The following CLOCK variants were observed in gnomAD, a reference collection of about 807,000 sequenced individuals.
CLOCK encodes clock circadian regulator.
CLOCK carries 43 observed loss-of-function variants against 118.4 expected under a neutral mutation model. That is an observed-to-expected ratio of 0.36 (90% CI 0.28 to 0.47). The LOEUF (loss-of-function observed/expected upper bound fraction) is 0.47, where lower values mean the gene tolerates loss of function less well. Among genes scored for constraint, CLOCK ranks in the 20% least tolerant of loss-of-function variants. The pLI, the probability that CLOCK is intolerant of heterozygous loss-of-function variation, is 1.00. For missense variants in CLOCK, 846 were observed against 999.9 expected, an observed-to-expected ratio of 0.85 and a Z score of 2.08; for synonymous variants, 326 against 339.2, an observed-to-expected ratio of 0.96 and a Z score of 0.43.
chr4:55,492,106 C>G (rs1051699001), intron 2 of CLOCK, among the ~76,000 whole-genome samples: 4 of 152,036 alleles, frequency 2.6e-5, no homozygotes, highest in Non-Finnish European at 5.9e-5. Flanking sequence ...AACTATAGAC[C>G]AATATTCCTT....
chr4:55,465,835 A>G (rs1725697998), intron 8 of CLOCK, among the ~76,000 whole-genome samples: 1 of 151,964 alleles, frequency 6.6e-6, no homozygotes, highest in South Asian at 2.1e-4. Context: ...ACCTATAATC[A>G]CAGCTACTCA....
intron 2 of CLOCK, among the ~76,000 whole-genome samples, chr4:55,504,303 A>C (rs1035260965): frequency 1.3e-5 from 2 of 149,780 alleles, no homozygotes; most frequent in Non-Finnish European, 3.0e-5. Context: ...AAAAAAAAAA[A>C]AAAACACAAC....
intron 22 of CLOCK, among the ~76,000 whole-genome samples, chr4:55,436,982 C>G (rs113328549): frequency 6.9e-6 from 1 of 144,424 alleles, no homozygotes; most frequent in South Asian, 2.2e-4. Context: ...TAAGGCAGGT[C>G]CTCTCCTTTT....
intron 1 of CLOCK, among the ~76,000 whole-genome samples, chr4:55,539,681 A>C (rs1731135149): frequency 6.6e-6 from 1 of 151,696 alleles, no homozygotes; most frequent in Non-Finnish European, 1.5e-5. Context: ...AATGCATGAT[A>C]TAGGGAAGTG....
chr4:55,523,112 G>A (rs772150543), intron 1 of CLOCK, among the ~76,000 whole-genome samples: 10 of 150,804 alleles, frequency 6.6e-5, no homozygotes, highest in Non-Finnish European at 1.3e-4. Flanking sequence ...TGGCTAACAC[G>A]GTGAAACCCC....
chr4:55,449,003 A>G (rs962094898), intron 17 of CLOCK, 135 bp from the exon 18 acceptor site: 2 of 719,514 alleles, frequency 2.8e-6, no homozygotes, highest in Non-Finnish European at 4.7e-6. Flanking sequence ...GAATACAGCT[A>G]TGTCTTCTCA....
At chr4:55,440,725 G>A (rs938803802) in intron 21 of CLOCK, among the ~76,000 whole-genome samples, 2 of 152,150 alleles carry the variant, frequency 1.3e-5, no homozygotes, top group Non-Finnish European at 2.9e-5. Flanking sequence ...ATTAGCCCAT[G>A]GCTCACTGGT....
chr4:55,506,617 C>T (rs550235166), intron 2 of CLOCK, among the ~76,000 whole-genome samples: 6 of 151,830 alleles, frequency 4.0e-5, no homozygotes, highest in South Asian at 4.2e-4. Context: ...TCTGTCCAGG[C>T]TGGTGTAATC....
chr4:55,524,497 C>G (rs1198508809), intron 1 of CLOCK, among the ~76,000 whole-genome samples: 3 of 152,166 alleles, frequency 2.0e-5, no homozygotes, highest in African/African-American at 7.2e-5. Context: ...TATTTTTACA[C>G]TCAGAAATAT....
intron 9 of CLOCK, among the ~76,000 whole-genome samples, chr4:55,460,588 T>G (rs906460441): frequency 9.9e-5 from 15 of 152,200 alleles, no homozygotes; most frequent in African/African-American, 3.4e-4. Flanking sequence ...TTTAGTGCAG[T>G]TGCAAATTAC....
At position 55,438,979 on chromosome 4, in the gene CLOCK, G is replaced by C. The variant is rs188738071; in HGVS notation, c.2106-442C>G. Among the ~76,000 whole-genome samples, 419 of 152,204 alleles carry C rather than the reference G, an allele frequency of 2.8e-3. 4 individuals are homozygous for C. The highest frequency in any genetic ancestry group is 9.4e-3 in the African/African-American group (390 of 41,534). Reference sequence around the variant, plus strand: ...TCTTGGATATGATACCAAAAGTACAGGCAACAAAAGAACAGATAAACAGAT... The same window carrying C: ...TCTTGGATATGATACCAAAAGTACACGCAACAAAAGAACAGATAAACAGAT... On this transcript the variant is annotated intron_variant, in intron 21 of 22. Coordinates refer to ENST00000513440, the MANE Select transcript of CLOCK (RefSeq NM_004898.4).
At chr4:55,512,371 A>G (rs79183164) in intron 1 of CLOCK, among the ~76,000 whole-genome samples, 6,551 of 136,592 alleles carry the variant, frequency 0.048, 451 homozygotes, top group African/African-American at 0.15. Context: ...TGAGGTTTGT[A>G]TATCTTCTTT....
chr4:55,471,566 T>C (rs2109858736), intron 7 of CLOCK, among the ~76,000 whole-genome samples: 1 of 152,264 alleles, frequency 6.6e-6, no homozygotes, highest in African/African-American at 2.4e-5. Context: ...GAGCAAGCAT[T>C]GAGAAATGTG....
chr4:55,490,943 C>G (rs1727633746), intron 2 of CLOCK, among the ~76,000 whole-genome samples: 1 of 151,984 alleles, frequency 6.6e-6, no homozygotes, highest in Admixed American at 6.6e-5. Context: ...CCTAATAGGG[C>G]ACAGAACAAG....
chr4:55,447,310 G>A (rs1387436173), intron 18 of CLOCK, among the ~76,000 whole-genome samples: 1 of 152,134 alleles, frequency 6.6e-6, no homozygotes, highest in Non-Finnish European at 1.5e-5. Context: ...GTTGCAGTAA[G>A]CCGAGATTGC....
intron 2 of CLOCK, among the ~76,000 whole-genome samples, chr4:55,491,398 TAA>T (rs933123938): frequency 1.0e-4 from 15 of 147,988 alleles, no homozygotes; most frequent in Non-Finnish European, 1.8e-4. Context: ...TCAACAAAAC[TAA>T]GAGTTGTTTC....
intron 2 of CLOCK, among the ~76,000 whole-genome samples, chr4:55,502,099 T>G (rs1361708643): frequency 2.0e-5 from 3 of 152,188 alleles, no homozygotes; most frequent in Non-Finnish European, 4.4e-5. Context: ...CATACAACCT[T>G]GCAATTGATT....
At chr4:55,521,729 C>T (rs542001900) in intron 1 of CLOCK, among the ~76,000 whole-genome samples, 16 of 152,324 alleles carry the variant, frequency 1.1e-4, no homozygotes, top group Admixed American at 9.8e-4. Context: ...AGTTTCCTCA[C>T]CTCTGAATTC....
chr4:55,441,250 C>T (rs999151335), intron 21 of CLOCK, among the ~76,000 whole-genome samples: 1 of 152,122 alleles, frequency 6.6e-6, no homozygotes, highest in African/African-American at 2.4e-5. Flanking sequence ...CTGGCCATTA[C>T]TAAAAAGTCA....
Sources: gnomAD v4.1 joint callset for allele counts (sites outside exome capture counted in the v4.1 genomes callset) on GRCh38, gnomAD v4.1.1 for gene constraint, MANE v1.5 for transcripts, NCBI Gene and HGNC (gene_info 2026-07-23, HGNC 2026-07-21) for gene names.